RAD21L1: variants seen among roughly 807,000 people sequenced by gnomAD.
The protein encoded by RAD21L1 is double-strand-break repair protein rad21-like protein 1.
RAD21L1 carries 47 observed loss-of-function variants against 69.0 expected under a neutral mutation model. That is an observed-to-expected ratio of 0.68 (90% CI 0.54 to 0.87). RAD21L1 has a LOEUF of 0.87. RAD21L1 is among the 40% of genes least tolerant of loss of function. The pLI is 0.00. For synonymous variants in RAD21L1, 177 were observed against 205.8 expected (o/e 0.86, Z 1.20); for missense variants, 583 against 647.6 (o/e 0.90, Z 1.08).
chr20:1,248,729 T>TA, intron 13 of RAD21L1, 26 bp downstream of exon 13: 1 of 1,289,512 alleles, frequency 7.8e-7, no homozygotes, highest in Non-Finnish European at 1.1e-6. Flanking sequence ...TTGTCAACCC[T>TA]GTTTTTATTT....
intron 13 of RAD21L1, among the ~76,000 whole-genome samples, chr20:1,252,706 C>T (rs2087859578): frequency 7.1e-6 from 1 of 140,980 alleles, no homozygotes; most frequent in African/African-American, 2.5e-5. Flanking sequence ...CTGTTTTCAG[C>T]TTCATCCCTC....
At chr20:1,249,652 A>T (rs1265198106) in intron 13 of RAD21L1, among the ~76,000 whole-genome samples, 1 of 152,192 alleles carries the variant, frequency 6.6e-6, no homozygotes, top group African/African-American at 2.4e-5. Context: ...ACATTGACGC[A>T]TCTAGCTGGG....
intron 5 of RAD21L1, among the ~76,000 whole-genome samples, chr20:1,237,384 G>A (rs892096477): frequency 2.0e-5 from 3 of 152,150 alleles, no homozygotes; most frequent in Non-Finnish European, 4.4e-5. Flanking sequence ...GTGTGACTGT[G>A]TGCAAGTTAC....
At chr20:1,226,610 C>G (rs2087267031) in intron 1 of RAD21L1, among the ~76,000 whole-genome samples, 1 of 152,070 alleles carries the variant, frequency 6.6e-6, no homozygotes, top group South Asian at 2.1e-4. Flanking sequence ...ACCCCTTCCT[C>G]CCTCCCTTCG....
chr20:1,243,664 A>G (rs1225756525), intron 10 of RAD21L1, among the ~76,000 whole-genome samples: 1 of 152,202 alleles, frequency 6.6e-6, no homozygotes, highest in African/African-American at 2.4e-5. Context: ...TTATCATGAT[A>G]ATTATAAAGT....
intron 7 of RAD21L1, among the ~76,000 whole-genome samples, chr20:1,239,920 A>G (rs2087572619): frequency 6.6e-6 from 1 of 152,254 alleles, no homozygotes; most frequent in Non-Finnish European, 1.5e-5. Flanking sequence ...CAAAGAGCTA[A>G]AAGTAATAAA....
chr20:1,228,640 T>TTCCTCCTCCAAAGTCA, intron 2 of RAD21L1, 43 bp downstream of exon 2: 1 of 1,355,430 alleles, frequency 7.4e-7, no homozygotes, highest in Non-Finnish European at 9.9e-7. Context: ...TATCATGACT[T>TTCCTCCTCCAAAGTCA]TGGAGGAGGA....
chr20:1,241,894 C>T (rs1420292996), intron 8 of RAD21L1, among the ~76,000 whole-genome samples: 1 of 152,180 alleles, frequency 6.6e-6, no homozygotes, highest in Non-Finnish European at 1.5e-5. Context: ...CTGCTTTCTG[C>T]CTGGTAAAAT....
At chr20:1,235,446 C>T (rs781341145) in intron 5 of RAD21L1, among the ~76,000 whole-genome samples, 5 of 151,430 alleles carry the variant, frequency 3.3e-5, no homozygotes, top group Non-Finnish European at 4.4e-5. Flanking sequence ...GTGTAAAATA[C>T]AATAAAATGA....
chr20:1,236,812 A>G (rs1010509606), intron 5 of RAD21L1, among the ~76,000 whole-genome samples: 1 of 152,136 alleles, frequency 6.6e-6, no homozygotes. Context: ...CTTATTCTGG[A>G]TTGTAATATA....
At chr20:1,230,820 C>A in intron 3 of RAD21L1, 2 of 418,128 alleles carry the variant, frequency 4.8e-6, no homozygotes, top group Non-Finnish European at 6.4e-6. Context: ...ACATATTCCA[C>A]AAATATTCAT....
intron 4 of RAD21L1, among the ~76,000 whole-genome samples, chr20:1,232,121 T>C (rs1330257569): frequency 6.6e-6 from 1 of 152,056 alleles, no homozygotes; most frequent in African/African-American, 2.4e-5. Context: ...GGGGGAAGAA[T>C]ATTCTAGGAA....
intron 1 of RAD21L1, among the ~76,000 whole-genome samples, chr20:1,226,628 C>CCCGCCACCG (rs914577809): frequency 2.6e-5 from 4 of 152,130 alleles, no homozygotes; most frequent in Non-Finnish European, 5.9e-5. Flanking sequence ...TCGCTCCCTC[C>CCCGCCACCG]CCGCCACCGC....
chr20:1,231,011 A>G (rs2087379164), intron 3 of RAD21L1: 1 of 152,440 alleles, frequency 6.6e-6, no homozygotes. Flanking sequence ...ACATAAAATA[A>G]CAGAGAAGTT....
Position 1,246,323 on chromosome 20 carries a change from C to G in RAD21L1, c.1401+18C>G. The G allele has an allele frequency of 7.8e-7, 1 of 1,274,394 alleles. No homozygotes were observed. Among genetic ancestry groups the G allele is most frequent in the Non-Finnish European group, 1.1e-6 (1 of 936,638 alleles). The allele number at this position is 1,274,394 out of a possible 1,614,324, so 78.9% of individuals were successfully genotyped here. A position where few individuals can be genotyped will look rare whatever the true frequency, so the allele number is the denominator to read the frequency against. On this transcript the variant is annotated intron_variant, in intron 12 of 13. Coordinates refer to ENST00000683101, the MANE Select transcript of RAD21L1 (RefSeq NM_001384355.1). This position sits in a 1 kb window ranked among gnomAD's most constrained non-coding sequence, Gnocchi z 4.6. ...TTGAATTGGTAAATATATGTGTAGTCTTGGGGATGTTCTTAAAAACTTTAT... is the reference window on the plus strand; with the variant it reads ...TTGAATTGGTAAATATATGTGTAGTGTTGGGGATGTTCTTAAAAACTTTAT...
chr20:1,235,689 A>G (rs939553288), intron 5 of RAD21L1, among the ~76,000 whole-genome samples: 10 of 152,146 alleles, frequency 6.6e-5, no homozygotes, highest in African/African-American at 2.4e-4. Context: ...ACATTGGCAA[A>G]GAGGTAATCA....
Position 1,246,164 on chromosome 20 carries a change from G to T in RAD21L1, c.1309-49G>T, listed in dbSNP as rs1387847569. On this transcript the variant is annotated intron_variant, in intron 11 of 13. Coordinates refer to ENST00000683101, the MANE Select transcript of RAD21L1 (RefSeq NM_001384355.1). The surrounding 1 kb of genome is among the most constrained non-coding windows in gnomAD (Gnocchi z 4.6). ...CATTTAATAAAATTAGATTGTTCCTGTATAACCACTGGCAGATTTACCTAA... is the reference window on the plus strand; with the variant it reads ...CATTTAATAAAATTAGATTGTTCCTTTATAACCACTGGCAGATTTACCTAA... 1.0e-6 allele frequency: 1 copy of T among 981,902 alleles called. No individual in the cohort carries two copies. The highest frequency in any genetic ancestry group is 1.5e-6 in the Non-Finnish European group (1 of 661,592). The allele number at this position is 981,902 out of a possible 1,614,324, so 60.8% of individuals were successfully genotyped here. A position where few individuals can be genotyped will look rare whatever the true frequency, so the allele number is the denominator to read the frequency against.
intron 13 of RAD21L1, among the ~76,000 whole-genome samples, chr20:1,253,803 A>G (rs1435810653): frequency 6.6e-6 from 1 of 152,226 alleles, no homozygotes; most frequent in African/African-American, 2.4e-5. Context: ...TTACATAGTC[A>G]TAATCCCCTG....
At chr20:1,252,569 C>T (rs2087856383) in intron 13 of RAD21L1, among the ~76,000 whole-genome samples, 1 of 151,142 alleles carries the variant, frequency 6.6e-6, no homozygotes, top group African/African-American at 2.4e-5. Context: ...ACTTCACCAT[C>T]CACAGCACTA....
Sources: allele counts gnomAD v4.1 joint callset (sites outside exome capture counted in the v4.1 genomes callset), GRCh38; gene constraint gnomAD v4.1.1; non-coding constraint Gnocchi (gnomAD v3.1); transcripts MANE v1.5; gene names NCBI Gene and HGNC (gene_info 2026-07-23, HGNC 2026-07-21).